BTN3A2: variants seen among roughly 807,000 people sequenced by gnomAD.
BTN3A2 encodes the protein butyrophilin protein.
In BTN3A2, 25 loss-of-function variants were observed where a neutral mutation model predicts 37.6. The ratio of observed to expected loss-of-function variants is 0.66; its 90% CI spans 0.48 to 0.93. The LOEUF is 0.93. Among genes scored for constraint, BTN3A2 ranks in the 40% least tolerant of loss-of-function variants. The pLI, the probability that BTN3A2 is intolerant of heterozygous loss-of-function variation, is 0.00. For missense variants in BTN3A2, 266 were observed against 410.9 expected (o/e 0.65, Z 3.05); for synonymous variants, 122 against 159.4 (o/e 0.77, Z 1.77).
Position 26,377,127 on chromosome 6 carries a change from C to G in BTN3A2, c.*1365C>G. On this transcript the variant is annotated 3_prime_UTR_variant, in exon 11 of 11. Coordinates refer to ENST00000377708, the MANE Select transcript of BTN3A2 (RefSeq NM_007047.5). ...AGTAGAGAGTTCCCCCGATCCCGAC[C>G]TAGTGCCTGATCATTCCCTGGAGAT... 7.6e-7 allele frequency: 1 copy of G among 1,309,370 alleles called. No homozygotes were observed. Among genetic ancestry groups the G allele is most frequent in the East Asian group, 2.3e-5 (1 of 43,350 alleles). The allele number at this position is 1,309,370 out of a possible 1,614,324, so 81.1% of individuals were successfully genotyped here. A position where few individuals can be genotyped will look rare whatever the true frequency, so the allele number is the denominator to read the frequency against.
chr6:26,374,960 A>G, intron 10 of BTN3A2, 162 bp downstream of exon 10: 1 of 675,880 alleles, frequency 1.5e-6, no homozygotes, highest in Non-Finnish European at 2.5e-6. Flanking sequence ...GGAAGGAGAC[A>G]CACACTGAGT....
At position 26,365,206 on chromosome 6, in the gene BTN3A2, C is replaced by T; in HGVS notation, c.-213C>T. 8.5e-7 allele frequency: 1 copy of T among 1,171,308 alleles called. No homozygotes were observed. Among genetic ancestry groups the T allele is most frequent in the South Asian group, 1.4e-5 (1 of 70,936 alleles). The allele number at this position is 1,171,308 out of a possible 1,614,324, so 72.6% of individuals were successfully genotyped here. On this transcript the variant is annotated 5_prime_UTR_variant, in exon 1 of 11. Transcript: ENST00000377708. ...TAATTCTTCCAAAGAGCGACTCTTA[C>T]TGTTTCTCATGGTGAGAAGACAATA...
At chr6:26,374,530 G>T in intron 9 of BTN3A2, 157 bp downstream of exon 9, 1 of 887,888 alleles carries the variant, frequency 1.1e-6, no homozygotes, top group Non-Finnish European at 1.8e-6. Context: ...AGAAACTCCT[G>T]ATCCTGCACA....
chr6:26,374,391 C>T lies in BTN3A2; in HGVS notation c.*6+18C>T, dbSNP rs1760491612. The T allele has an allele frequency of 6.2e-7, 1 of 1,610,766 alleles. No homozygotes were observed. The highest frequency in any genetic ancestry group is 8.5e-7 in the Non-Finnish European group (1 of 1,176,998). On this transcript the variant is annotated intron_variant, in intron 9 of 10. Coordinates refer to ENST00000377708, the MANE Select transcript of BTN3A2 (RefSeq NM_007047.5). ...GATGCTCTGTAAGTTTGCTGGGTCA[C>T]ATGCCCTGAATATTTCAACTTTTTC...
At chr6:26,373,955 G>C (rs1760412867) in intron 8 of BTN3A2, 1 of 198,950 alleles carries the variant, frequency 5.0e-6, no homozygotes, top group Non-Finnish European at 9.9e-6. Flanking sequence ...TCTTTTTAGA[G>C]CAAGGTACGA....
intron 9 of BTN3A2, 198 bp from the exon 10 acceptor site, chr6:26,374,573 C>A (rs1174232744): frequency 9.7e-6 from 8 of 823,126 alleles, no homozygotes; most frequent in Non-Finnish European, 1.5e-5. Flanking sequence ...GCATCCTGCA[C>A]CCCCCATGAC....
chr6:26,369,612 A>T (rs1759899615), intron 4 of BTN3A2, among the ~76,000 whole-genome samples: 1 of 152,190 alleles, frequency 6.6e-6, no homozygotes, highest in African/African-American at 2.4e-5. Context: ...AGGGTGAGAC[A>T]AAAGCTGTAA....
Position 26,370,321 on chromosome 6 carries a change from G to C in BTN3A2, c.434-1G>C, listed in dbSNP as rs890374772. The stretch of plus-strand genomic sequence containing the variant: ...ATTTAGGCCAAATTATCCTTCCACA[G>C]CACTGGGTTCTAATCTTCACGTCGA... On this transcript the variant is annotated splice_acceptor_variant, in intron 4 of 10. Coordinates refer to ENST00000377708, the MANE Select transcript of BTN3A2 (RefSeq NM_007047.5). LOFTEE classifies it high-confidence loss of function. 1 of 1,613,952 alleles carries C rather than the reference G, an allele frequency of 6.2e-7. No homozygotes were observed. The highest frequency in any genetic ancestry group is 1.3e-5 in the African/African-American group (1 of 75,040).
rs752693704 is a variant in BTN3A2, at chr6:26,374,318, TCA to T, written c.965-8_965-7del. On this transcript the variant is annotated splice_polypyrimidine_tract_variant and splice_region_variant and intron_variant, in intron 8 of 10. Coordinates refer to ENST00000377708, the MANE Select transcript of BTN3A2 (RefSeq NM_007047.5). ...TTCTGGTGACACCTCTACCTTTCTTTCATTGTAGGTGGAGAGGAGTCTTCGTC... is the reference window on the plus strand; with the variant it reads ...TTCTGGTGACACCTCTACCTTTCTTTTTGTAGGTGGAGAGGAGTCTTCGTC... 2.5e-6 allele frequency: 4 copies of T among 1,611,218 alleles called. No individual in the cohort carries two copies. In the South Asian group the frequency reaches 4.4e-5, roughly 18 times the overall value.
chr6:26,365,389 C>A (rs1761951898), intron 1 of BTN3A2, 37 bp downstream of exon 1: 2 of 1,535,406 alleles, frequency 1.3e-6, no homozygotes, highest in Non-Finnish European at 1.7e-6. Context: ...TGGGCTACAA[C>A]GCATGGGAGG....
chr6:26,368,665 C>T lies in BTN3A2; in HGVS notation c.186C>T (p.Thr62=). 1 of 1,614,050 alleles carries T rather than the reference C, an allele frequency of 6.2e-7. No individual in the cohort carries two copies. The highest frequency in any genetic ancestry group is 2.2e-5 in the East Asian group (1 of 44,888). Reference sequence around the variant, plus strand: ...TGTTCCCGACCATGAGTGCAGAGACCATGGAGCTGAAGTGGGTAAGTTCCA... The same window carrying T: ...TGTTCCCGACCATGAGTGCAGAGACTATGGAGCTGAAGTGGGTAAGTTCCA... ...CHLFPTMSAE[T]MELKWVSSSL... is the part of the protein sequence containing the mutation. Residue 62 remains threonine (T), a synonymous_variant, in exon 4 of 11, where the codon ACC becomes ACT. Coordinates refer to ENST00000377708, the MANE Select transcript of BTN3A2 (RefSeq NM_007047.5).
chr6:26,375,845 G>A lies in BTN3A2; in HGVS notation c.*83G>A. ...CTCCACCTTGTTAAATAAATTGGAT[G>A]TATGGAAAAATAGACTGCAGAAAAG... On this transcript the variant is annotated 3_prime_UTR_variant, in exon 11 of 11. Transcript: ENST00000377708. 1 of 1,549,294 alleles carries A rather than the reference G, an allele frequency of 6.5e-7. No individual in the cohort carries two copies. The highest frequency in any genetic ancestry group is 8.7e-7 in the Non-Finnish European group (1 of 1,144,974).
In BTN3A2 at chr6:26,374,795, C is replaced by G. The variant is rs183684646; in HGVS notation, c.*31C>G. ...GAATGGAAAAATGGCCCTCTTCAAGCCTGGTGAGTAAATCACTGCATGTTC... is the reference window on the plus strand; with the variant it reads ...GAATGGAAAAATGGCCCTCTTCAAGGCTGGTGAGTAAATCACTGCATGTTC... On this transcript the variant is annotated 3_prime_UTR_variant, in exon 10 of 11. Coordinates refer to ENST00000377708, the MANE Select transcript of BTN3A2 (RefSeq NM_007047.5). 1.1e-5 allele frequency: 17 copies of G among 1,523,394 alleles called. No individual in the cohort carries two copies. The highest frequency in any genetic ancestry group is 1.5e-5 in the Non-Finnish European group (17 of 1,099,876). The allele number at this position is 1,523,394 out of a possible 1,614,324, so 94.4% of individuals were successfully genotyped here.
Position 26,377,270 on chromosome 6 carries a change from A to T in BTN3A2, c.*1508A>T, listed in dbSNP as rs1427849285. The T allele has an allele frequency of 8.9e-6, 7 of 788,920 alleles. No homozygotes were observed. Among genetic ancestry groups the T allele is most frequent in the Non-Finnish European group, 1.3e-5 (6 of 454,356 alleles). The allele number at this position is 788,920 out of a possible 1,614,324, so 48.9% of individuals were successfully genotyped here. On this transcript the variant is annotated 3_prime_UTR_variant, in exon 11 of 11. Coordinates refer to ENST00000377708, the MANE Select transcript of BTN3A2 (RefSeq NM_007047.5). ...TCACCCTCCACAACAGCCAGTCAGA[A>T]CCATAAAGCTACAGGCACACACTGA... is the stretch of plus-strand genomic sequence containing the variant.
intron 5 of BTN3A2, among the ~76,000 whole-genome samples, chr6:26,371,139 C>T (rs1018277082): frequency 6.6e-6 from 1 of 152,032 alleles, no homozygotes; most frequent in Admixed American, 6.6e-5. Context: ...GAGTGCACCT[C>T]TAATCCCAGC....
intron 10 of BTN3A2, 22 bp downstream of exon 10, chr6:26,374,820 C>A: frequency 6.6e-7 from 1 of 1,506,780 alleles, no homozygotes; most frequent in Non-Finnish European, 9.2e-7. Context: ...ACTGCATGTT[C>A]CCTGGACCAA....
chr6:26,369,751 A>G (rs1230061190), intron 4 of BTN3A2, among the ~76,000 whole-genome samples: 1 of 152,180 alleles, frequency 6.6e-6, no homozygotes, highest in Non-Finnish European at 1.5e-5. Flanking sequence ...CCCATGATCC[A>G]TCATAGTCAC....
At chr6:26,371,974 C>T (rs560289054) in intron 5 of BTN3A2, among the ~76,000 whole-genome samples, 8 of 152,254 alleles carry the variant, frequency 5.3e-5, no homozygotes, top group South Asian at 2.1e-4. Flanking sequence ...CCACTGCAAC[C>T]GGCCTGTAAA....
At position 26,374,442 on chromosome 6, in the gene BTN3A2, A is replaced by C. The variant is rs1489288586; in HGVS notation, c.*6+69A>C. 6 of 1,468,840 alleles carry C rather than the reference A, an allele frequency of 4.1e-6. No homozygotes were observed. In the East Asian group the frequency reaches 1.1e-4, roughly 28 times the overall value. 91.0% of individuals were successfully genotyped at this position (1,468,840 alleles called of 1,614,324 possible). On this transcript the variant is annotated intron_variant, in intron 9 of 10. Transcript: ENST00000377708. ...TCCACTGTGACCCGTGGATGTTCTC[A>C]GCTGGATTAATTAGATCTAATCTAA...
Sources: allele counts gnomAD v4.1 joint callset (sites outside exome capture counted in the v4.1 genomes callset), GRCh38; gene constraint gnomAD v4.1.1; transcripts MANE v1.5; gene names NCBI Gene and HGNC (gene_info 2026-07-23, HGNC 2026-07-21).